Variants in CORIN observed in about 807,000 individuals in gnomAD.
CORIN encodes atrial natriuretic peptide-converting enzyme.
A neutral mutation model predicts 125.3 loss-of-function variants in CORIN; 117 were observed. That is an observed-to-expected ratio of 0.93 (90% CI 0.80 to 1.09). The LOEUF (loss-of-function observed/expected upper bound fraction) is 1.09, where lower values mean the gene tolerates loss of function less well. CORIN is among the 50% of genes least tolerant of loss of function. The pLI, the probability that CORIN is intolerant of heterozygous loss-of-function variation, is 0.00. For synonymous variants in CORIN, 450 were observed against 466.4 expected, an observed-to-expected ratio of 0.96 and a Z score of 0.45; for missense variants, 1,253 against 1,306.7, an observed-to-expected ratio of 0.96 and a Z score of 0.63.
At chr4:47,661,522 G>T in intron 12 of CORIN, 189 bp downstream of exon 12, 1 of 521,494 alleles carries the variant, frequency 1.9e-6, no homozygotes. Context: ...TAAAATGAAT[G>T]CAATATCTAA....
intron 1 of CORIN, among the ~76,000 whole-genome samples, chr4:47,832,393 G>A (rs1390788283): frequency 6.6e-6 from 1 of 150,966 alleles, no homozygotes; most frequent in Non-Finnish European, 1.5e-5. Context: ...AAATAGAGGT[G>A]CTTTACAGGA....
At chr4:47,680,976 C>G (rs1429706946) in intron 7 of CORIN, 1 of 152,128 alleles carries the variant, frequency 6.6e-6, no homozygotes, top group Non-Finnish European at 1.5e-5. Context: ...ATTCATGATT[C>G]TTTTTAGCCT....
intron 4 of CORIN, among the ~76,000 whole-genome samples, chr4:47,753,377 A>G (rs1320679767): frequency 4.1e-4 from 63 of 152,340 alleles, no homozygotes; most frequent in East Asian, 1.9e-4. Flanking sequence ...CTTAAGCAAC[A>G]GAAAACAGGG....
chr4:47,661,974 A>C, intron 11 of CORIN, 118 bp from the exon 12 acceptor site: 1 of 952,724 alleles, frequency 1.0e-6, no homozygotes, highest in Non-Finnish European at 1.5e-6. Context: ...GGGTGTGTGG[A>C]TATAAAAGAT....
chr4:47,623,675 C>G lies in CORIN; in HGVS notation c.2436G>C (p.Arg812Ser). 6.2e-7 allele frequency: 1 copy of G among 1,614,232 alleles called. No homozygotes were observed. The highest frequency in any genetic ancestry group is 1.1e-5 in the South Asian group (1 of 91,082). The change falls in exon 19 of 22, where the codon AGG becomes AGC. Residue 812 changes from arginine to serine, a missense_variant. Transcript: ENST00000273857. ...ILGGRTSRPG[R>S]WPWQCSLQSE... ...TCTGCAGAGAACACTGCCATGGCCA[C>G]CTTCCAGGGCGACTCGTCCGACCTC...
rs142258344 is a variant in CORIN at position 47,642,380 on chromosome 4, G to T, written c.2069-331C>A. Among the ~76,000 whole-genome samples the T allele has an allele frequency of 2.4e-3, 372 of 152,328 alleles. 2 individuals are homozygous for T. The highest frequency in any genetic ancestry group is 8.4e-3 in the African/African-American group (351 of 41,564). ...CAGGATTTGCATAATTACAAGAAGC[G>T]AGTTGTAAATCTATTTCTATCATTT... On this transcript the variant is annotated intron_variant, in intron 15 of 21. Coordinates refer to ENST00000273857, the MANE Select transcript of CORIN (RefSeq NM_006587.4).
Position 47,817,516 on chromosome 4 carries a change from T to G in CORIN, c.64-10469A>C, listed in dbSNP as rs1236623605. On this transcript the variant is annotated intron_variant, in intron 1 of 21. Coordinates refer to ENST00000273857, the MANE Select transcript of CORIN (RefSeq NM_006587.4). ...TGCAGCCTATGCCAGTTCCCAGTGT[T>G]TCAGCTGTGGCTGAGGTAGGATCAA... Among the ~76,000 whole-genome samples, 4 of 152,152 alleles carry G rather than the reference T, an allele frequency of 2.6e-5. No individual in the cohort carries two copies. The East Asian group carries it at 7.7e-4, about 29-fold the overall frequency.
intron 5 of CORIN, chr4:47,706,411 A>C (rs889862441): frequency 2.7e-5 from 44 of 1,609,246 alleles, no homozygotes; most frequent in Middle Eastern, 3.8e-4. Context: ...ATGGAGAAAG[A>C]AGCAGTCTGA....
At chr4:47,729,960 C>T (rs1727789636) in intron 5 of CORIN, among the ~76,000 whole-genome samples, 2 of 152,126 alleles carry the variant, frequency 1.3e-5, no homozygotes, top group South Asian at 4.1e-4. Flanking sequence ...ACTCCATTCC[C>T]CTGCTTCCGG....
intron 20 of CORIN, among the ~76,000 whole-genome samples, chr4:47,602,607 G>T (rs570832267): frequency 2.0e-5 from 3 of 152,076 alleles, no homozygotes; most frequent in African/African-American, 7.2e-5. Flanking sequence ...CAGATAGAGA[G>T]AGTCCAAAGC....
At chr4:47,715,973 C>G in intron 5 of CORIN, among the ~76,000 whole-genome samples, 1 of 152,030 alleles carries the variant, frequency 6.6e-6, no homozygotes, top group Non-Finnish European at 1.5e-5. Context: ...AGGTTTCCTC[C>G]CTAAGAGAAA....
intron 10 of CORIN, among the ~76,000 whole-genome samples, chr4:47,668,029 TG>T (rs1225544466): frequency 6.6e-6 from 1 of 152,096 alleles, no homozygotes; most frequent in Non-Finnish European, 1.5e-5. Context: ...TTTCACAGTG[TG>T]AGAATACAGT....
At chr4:47,829,690 A>T (rs1732893097) in intron 1 of CORIN, among the ~76,000 whole-genome samples, 1 of 152,182 alleles carries the variant, frequency 6.6e-6, no homozygotes. Context: ...GGTGTCAGAG[A>T]GTTGCAGCAG....
chr4:47,829,601 TG>T (rs1732889484), intron 1 of CORIN, among the ~76,000 whole-genome samples: 1 of 152,084 alleles, frequency 6.6e-6, no homozygotes. Context: ...TCATCTAAAG[TG>T]GGGGCAGTCT....
chr4:47,708,092 C>G (rs1369392989), intron 5 of CORIN, among the ~76,000 whole-genome samples: 1 of 152,202 alleles, frequency 6.6e-6, no homozygotes, highest in Non-Finnish European at 1.5e-5. Context: ...CAGTTTGACT[C>G]CAGAGTTCAT....
At chr4:47,713,102 A>C (rs994358744) in intron 5 of CORIN, among the ~76,000 whole-genome samples, 6 of 152,352 alleles carry the variant, frequency 3.9e-5, no homozygotes, top group African/African-American at 1.4e-4. Flanking sequence ...GAAAGAAAAC[A>C]ATAAAACTTT....
intron 1 of CORIN, among the ~76,000 whole-genome samples, chr4:47,807,858 C>T (rs1277794067): frequency 2.6e-5 from 4 of 152,194 alleles, no homozygotes; most frequent in Non-Finnish European, 4.4e-5. Flanking sequence ...ACTAAAAGGG[C>T]TTTGAATAAC....
At chr4:47,786,260 C>T (rs1323163286) in intron 3 of CORIN, among the ~76,000 whole-genome samples, 3 of 151,976 alleles carry the variant, frequency 2.0e-5, no homozygotes, top group Non-Finnish European at 4.4e-5. Context: ...CTCAGCAGGG[C>T]GCGGTGGCTC....
Position 47,691,794 on chromosome 4 carries a change from A to G in CORIN, c.913+1176T>C, listed in dbSNP as rs558388439. On this transcript the variant is annotated intron_variant, in intron 6 of 21. Transcript: ENST00000273857. ...ACTACATGAAACACCAGTTTGGGAA[A>G]CACTGACCTGAAATGTTACCATGAT... Among the ~76,000 whole-genome samples the G allele has an allele frequency of 2.6e-5, 4 of 152,296 alleles. No individual in the cohort carries two copies. The East Asian group carries it at 5.8e-4, about 22-fold the overall frequency.
Sources: gnomAD v4.1 joint callset for allele counts (sites outside exome capture counted in the v4.1 genomes callset) on GRCh38, gnomAD v4.1.1 for gene constraint, MANE v1.5 for transcripts, NCBI Gene and HGNC (gene_info 2026-07-23, HGNC 2026-07-21) for gene names.